The following OTUD7A variants were observed in gnomAD, a reference collection of about 807,000 sequenced individuals.
OTUD7A encodes OTU domain-containing protein 7A.
OTUD7A carries 12 observed loss-of-function variants against 65.7 expected under a neutral mutation model. The ratio of observed to expected loss-of-function variants is 0.18; its 90% confidence interval spans 0.12 to 0.30. The LOEUF is 0.30. OTUD7A is among the 10% of genes least tolerant of loss of function. OTUD7A has a pLI of 1.00. For missense variants in OTUD7A, 1,148 were observed against 1,304.8 expected (o/e 0.88, Z 1.85); for synonymous variants, 641 against 586.3 (o/e 1.09, Z -1.35).
chr15:31,688,686 A>G (rs1238933350), intron 1 of OTUD7A, among the ~76,000 whole-genome samples: 1 of 152,218 alleles, frequency 6.6e-6, no homozygotes, highest in Non-Finnish European at 1.5e-5. Flanking sequence ...AGATGATGCC[A>G]GAGTGTCTCA....
chr15:31,489,822 G>A (rs2041291640), intron 10 of OTUD7A, among the ~76,000 whole-genome samples: 1 of 152,340 alleles, frequency 6.6e-6, no homozygotes, highest in African/African-American at 2.4e-5. Flanking sequence ...CAACAGCAGG[G>A]CTGGAATGGA....
chr15:31,621,866 G>T (rs1252307790), intron 3 of OTUD7A, among the ~76,000 whole-genome samples: 1 of 152,048 alleles, frequency 6.6e-6, no homozygotes, highest in Non-Finnish European at 1.5e-5. Flanking sequence ...AGCATCGATG[G>T]TCTTTTCAAT....
intron 1 of OTUD7A, among the ~76,000 whole-genome samples, chr15:31,799,400 T>C (rs999760976): frequency 3.9e-5 from 6 of 152,288 alleles, no homozygotes; most frequent in African/African-American, 1.4e-4. Context: ...CCACCCCATA[T>C]CCCTGTGTTG....
chr15:31,579,084 A>G (rs549284846), intron 3 of OTUD7A, among the ~76,000 whole-genome samples: 1 of 152,326 alleles, frequency 6.6e-6, no homozygotes, highest in South Asian at 2.1e-4. Flanking sequence ...CAAAATGTTA[A>G]AAGACAGTTG....
At chr15:31,560,899 T>C (rs1179115881) in intron 4 of OTUD7A, among the ~76,000 whole-genome samples, 1 of 152,238 alleles carries the variant, frequency 6.6e-6, no homozygotes, top group African/African-American at 2.4e-5. Flanking sequence ...CAGCAGCATT[T>C]TCCTTCCCCA....
At chr15:31,805,782 C>T (rs531333835) in intron 1 of OTUD7A, among the ~76,000 whole-genome samples, 6 of 152,258 alleles carry the variant, frequency 3.9e-5, no homozygotes, top group African/African-American at 1.4e-4. Flanking sequence ...CTGAGTTCTC[C>T]GGAGATCTTC....
intron 5 of OTUD7A, among the ~76,000 whole-genome samples, chr15:31,537,024 T>C (rs1309671786): frequency 3.3e-5 from 5 of 152,198 alleles, no homozygotes; most frequent in Non-Finnish European, 7.3e-5. Context: ...ATTTCAGATA[T>C]ACCCCATAAA....
intron 4 of OTUD7A, among the ~76,000 whole-genome samples, chr15:31,564,425 G>A (rs1595614669): frequency 8.5e-6 from 1 of 117,018 alleles, no homozygotes; most frequent in African/African-American, 3.0e-5. Context: ...GAATACATGT[G>A]AATAAATAAA....
intron 3 of OTUD7A, among the ~76,000 whole-genome samples, chr15:31,632,177 G>T (rs1349553539): frequency 6.6e-6 from 1 of 152,140 alleles, no homozygotes; most frequent in Non-Finnish European, 1.5e-5. Context: ...GCTTTTTAGT[G>T]TTTCCAGTTT....
chr15:31,843,712 G>A (rs1411102100), intron 1 of OTUD7A, among the ~76,000 whole-genome samples: 2 of 152,122 alleles, frequency 1.3e-5, no homozygotes, highest in Non-Finnish European at 2.9e-5. Context: ...TTTCTGCTAC[G>A]CCTAACTCAA....
intron 3 of OTUD7A, among the ~76,000 whole-genome samples, chr15:31,594,939 C>A (rs554173554): frequency 5.8e-4 from 88 of 152,356 alleles, no homozygotes; most frequent in Non-Finnish European, 1.1e-3. Flanking sequence ...ATCAGGGGGA[C>A]TGTGTCCACC....
At chr15:31,813,652 GA>G (rs967725862) in intron 1 of OTUD7A, among the ~76,000 whole-genome samples, 2 of 151,990 alleles carry the variant, frequency 1.3e-5, no homozygotes, top group East Asian at 3.8e-4. Context: ...GCATCTTTAA[GA>G]AAAAAATAGT....
chr15:31,600,963 G>C (rs1181402825), intron 3 of OTUD7A, among the ~76,000 whole-genome samples: 2 of 152,164 alleles, frequency 1.3e-5, no homozygotes, highest in Admixed American at 6.5e-5. Flanking sequence ...CACAAAGCAA[G>C]TTCTTAGAGA....
chr15:31,666,722 T>C (rs1892331528), intron 1 of OTUD7A, among the ~76,000 whole-genome samples: 1 of 152,202 alleles, frequency 6.6e-6, no homozygotes, highest in Non-Finnish European at 1.5e-5. Context: ...GGTGTGACTT[T>C]AGAATGTCAG....
At chr15:31,505,725 G>A (rs954865924) in intron 8 of OTUD7A, among the ~76,000 whole-genome samples, 14 of 148,440 alleles carry the variant, frequency 9.4e-5, no homozygotes, top group Middle Eastern at 3.5e-3. Context: ...TAATAAGAGC[G>A]AACAAGGTGA....
At chr15:31,792,034 C>T (rs1475003139) in intron 1 of OTUD7A, among the ~76,000 whole-genome samples, 1 of 152,106 alleles carries the variant, frequency 6.6e-6, no homozygotes, top group African/African-American at 2.4e-5. Context: ...GACTTCCTAC[C>T]ACCACTCCCT....
intron 5 of OTUD7A, 30 bp from the exon 6 acceptor site, chr15:31,530,838 T>A (rs1217531750): frequency 6.3e-7 from 1 of 1,597,840 alleles, no homozygotes; most frequent in African/African-American, 1.3e-5. Context: ...TAGAACAGGA[T>A]CCCAGAAAAG....
intron 1 of OTUD7A, among the ~76,000 whole-genome samples, chr15:31,693,454 G>A (rs1259590255): frequency 1.3e-5 from 2 of 151,926 alleles, no homozygotes; most frequent in African/African-American, 4.8e-5. Flanking sequence ...TGGGATGAAT[G>A]CTTCCTGCAC....
intron 1 of OTUD7A, among the ~76,000 whole-genome samples, chr15:31,791,808 T>A (rs974328974): frequency 6.6e-6 from 1 of 152,170 alleles, no homozygotes; most frequent in Admixed American, 6.5e-5. Context: ...TCCTCCTTCA[T>A]CACTGGCTGC....
Sources: gnomAD v4.1 joint callset for allele counts (sites outside exome capture counted in the v4.1 genomes callset) on GRCh38, gnomAD v4.1.1 for gene constraint, MANE v1.5 for transcripts, NCBI Gene and HGNC (gene_info 2026-07-23, HGNC 2026-07-21) for gene names.